PRKCA: variants seen among roughly 807,000 people sequenced by gnomAD.
PRKCA encodes the protein protein kinase C alpha, also known as protein kinase C alpha type.
In PRKCA, 27 loss-of-function variants were observed where a neutral mutation model predicts 87.0. That is an observed-to-expected ratio of 0.31 (90% CI 0.23 to 0.43). PRKCA has a LOEUF of 0.43. Ranked by LOEUF, PRKCA falls within the 20% of genes least tolerant of loss-of-function variation. The probability of loss-of-function intolerance (pLI) is 1.00; values close to 1 mark genes in which losing one functional copy is unlikely to be tolerated. For missense variants in PRKCA, 518 were observed against 852.3 expected (o/e 0.61, Z 4.88); for synonymous variants, 329 against 311.1 (o/e 1.06, Z -0.61).
At chr17:66,384,026 GC>G (rs1184357684) in intron 2 of PRKCA, among the ~76,000 whole-genome samples, 3 of 152,050 alleles carry the variant, frequency 2.0e-5, no homozygotes, top group African/African-American at 7.2e-5. Context: ...GGACTCCATT[GC>G]ACTTTCCTAT....
At chr17:66,555,097 C>T (rs773545445) in intron 3 of PRKCA, among the ~76,000 whole-genome samples, 5 of 152,122 alleles carry the variant, frequency 3.3e-5, no homozygotes, top group African/African-American at 7.2e-5. Context: ...AGGCTCGTCT[C>T]GAACTCCTGA....
chr17:66,459,609 G>A (rs1018842179), intron 2 of PRKCA, among the ~76,000 whole-genome samples: 2 of 152,278 alleles, frequency 1.3e-5, no homozygotes, highest in Non-Finnish European at 2.9e-5. Flanking sequence ...CTTGATTTGA[G>A]AGCTAAGTTC....
chr17:66,518,634 T>G (rs1016844570), intron 3 of PRKCA, among the ~76,000 whole-genome samples: 1 of 152,204 alleles, frequency 6.6e-6, no homozygotes, highest in African/African-American at 2.4e-5. Flanking sequence ...AGATGGATGG[T>G]ATTTATAGTG....
chr17:66,362,781 G>A (rs1908470362), intron 2 of PRKCA, among the ~76,000 whole-genome samples: 1 of 151,482 alleles, frequency 6.6e-6, no homozygotes, highest in Non-Finnish European at 1.5e-5. Context: ...TGCGACCTCT[G>A]CCTCCCAGGT....
At chr17:66,422,890 C>T (rs903773330) in intron 2 of PRKCA, among the ~76,000 whole-genome samples, 5 of 151,968 alleles carry the variant, frequency 3.3e-5, no homozygotes, top group South Asian at 2.1e-4. Flanking sequence ...GCAGGTGGAT[C>T]GCCTGAGGTC....
chr17:66,303,290 G>C (rs926188720), intron 1 of PRKCA, among the ~76,000 whole-genome samples: 27 of 152,266 alleles, frequency 1.8e-4, no homozygotes, highest in African/African-American at 6.3e-4. Context: ...CCCTCTCCGG[G>C]CCGGGCCCCT....
chr17:66,306,082 T>G lies in PRKCA; in HGVS notation c.174-14T>G, dbSNP rs1483551535. 2 of 1,611,736 alleles carry G rather than the reference T, an allele frequency of 1.2e-6. No individual in the cohort carries two copies. The highest frequency in any genetic ancestry group is 3.4e-5 in the Admixed American group (2 of 59,630). ...AATATGTTAAGATATTTTGTTCTTG[T>G]TTTTGTTTTTCAGGGGGTTTGGGAA... On this transcript the variant is annotated splice_polypyrimidine_tract_variant and intron_variant, in intron 1 of 16. Coordinates refer to ENST00000413366, the MANE Select transcript of PRKCA (RefSeq NM_002737.3).
chr17:66,413,778 C>T lies in PRKCA; in HGVS notation c.206-82423C>T, dbSNP rs1166820457. 3.3e-5 allele frequency among the ~76,000 whole-genome samples: 5 copies of T among 152,044 alleles called. No homozygotes were observed. The East Asian group carries it at 5.8e-4, about 18-fold the overall frequency. ...TCAGTAATCCCAGCATTTTGGGAGGCCAAGGCAGGCAGATCACTAGAGGTC... is the reference window on the plus strand; with the variant it reads ...TCAGTAATCCCAGCATTTTGGGAGGTCAAGGCAGGCAGATCACTAGAGGTC... On this transcript the variant is annotated intron_variant, in intron 2 of 16. Transcript: ENST00000413366.
At chr17:66,499,196 G>T (rs925065058) in intron 3 of PRKCA, among the ~76,000 whole-genome samples, 1 of 151,960 alleles carries the variant, frequency 6.6e-6, no homozygotes, top group South Asian at 2.1e-4. Context: ...TAGGGAGAGG[G>T]TATAGAGTGG....
At chr17:66,329,757 G>A (rs1020187802) in intron 2 of PRKCA, among the ~76,000 whole-genome samples, 5 of 152,136 alleles carry the variant, frequency 3.3e-5, no homozygotes, top group Non-Finnish European at 7.3e-5. Context: ...GCAGAGTAAA[G>A]GAAATACCTC....
chr17:66,441,144 A>C (rs1338906292), intron 2 of PRKCA, among the ~76,000 whole-genome samples: 1 of 149,608 alleles, frequency 6.7e-6, no homozygotes, highest in Non-Finnish European at 1.5e-5. Context: ...CCTGGGAGAC[A>C]AAGCGAAACT....
At chr17:66,674,108 A>G (rs1017135750) in intron 5 of PRKCA, among the ~76,000 whole-genome samples, 7 of 152,170 alleles carry the variant, frequency 4.6e-5, no homozygotes, top group Admixed American at 4.6e-4. Context: ...CGCAGATTTT[A>G]TCTTGTCTGT....
rs939296507 is a variant in PRKCA, at chr17:66,792,395, A to G, written c.1854+3416A>G. Among the ~76,000 whole-genome samples the G allele has an allele frequency of 6.6e-6, 1 of 152,186 alleles. No homozygotes were observed. Among genetic ancestry groups the G allele is most frequent in the African/African-American group, 2.4e-5 (1 of 41,450 alleles). ...AATTTTTAAATTTTTTGAACCTCCA[A>G]TGAAAGAGTCTTCCAGAATCACTGA... On this transcript the variant is annotated intron_variant, in intron 16 of 16. Coordinates refer to ENST00000413366, the MANE Select transcript of PRKCA (RefSeq NM_002737.3). This position sits in a 1 kb window ranked among gnomAD's most constrained non-coding sequence, Gnocchi z 4.5.
chr17:66,342,442 AAT>A (rs1354072172), intron 2 of PRKCA, among the ~76,000 whole-genome samples: 64 of 7,334 alleles, frequency 8.7e-3, no homozygotes, highest in African/African-American at 0.065. Context: ...AAATAAAATA[AAT>A]AATAATAATA....
intron 8 of PRKCA, among the ~76,000 whole-genome samples, chr17:66,706,013 G>A (rs1055928048): frequency 5.3e-5 from 8 of 152,156 alleles, no homozygotes; most frequent in African/African-American, 9.7e-5. Flanking sequence ...AGGAAGTGGC[G>A]AGCAGCTTGA....
At chr17:66,754,001 C>T (rs1178383387) in intron 13 of PRKCA, among the ~76,000 whole-genome samples, 6 of 152,010 alleles carry the variant, frequency 3.9e-5, no homozygotes, top group Non-Finnish European at 7.4e-5. Flanking sequence ...TGGGAAAGAG[C>T]ATACTGTATT....
At chr17:66,468,107 T>C (rs1189723233) in intron 2 of PRKCA, among the ~76,000 whole-genome samples, 1 of 152,236 alleles carries the variant, frequency 6.6e-6, no homozygotes, top group Non-Finnish European at 1.5e-5. Context: ...GAAGATACGA[T>C]GTCTCTGAAA....
chr17:66,544,840 G>A (rs1282014270), intron 3 of PRKCA, among the ~76,000 whole-genome samples: 8 of 152,022 alleles, frequency 5.3e-5, no homozygotes, highest in East Asian at 1.9e-4. Flanking sequence ...TGATCCACCC[G>A]CCTCGGCCTC....
chr17:66,430,986 A>C (rs960024454), intron 2 of PRKCA, among the ~76,000 whole-genome samples: 2 of 152,166 alleles, frequency 1.3e-5, no homozygotes, highest in African/African-American at 2.4e-5. Context: ...GTGGAGTGTT[A>C]ATTTGCTTCA....
Sources: gnomAD v4.1 joint callset for allele counts (sites outside exome capture counted in the v4.1 genomes callset) on GRCh38, gnomAD v4.1.1 for gene constraint, Gnocchi (gnomAD v3.1) non-coding constraint, MANE v1.5 for transcripts, NCBI Gene and HGNC (gene_info 2026-07-23, HGNC 2026-07-21) for gene names.